The following MAN1A1 variants were observed in gnomAD, a reference collection of about 807,000 sequenced individuals.
MAN1A1 encodes the protein mannosyl-oligosaccharide 1,2-alpha-mannosidase IA.
MAN1A1 carries 29 observed loss-of-function variants against 70.8 expected under a neutral mutation model. The ratio of observed to expected loss-of-function variants is 0.41; its 90% CI spans 0.31 to 0.56. MAN1A1 has a LOEUF of 0.56. Among genes scored for constraint, MAN1A1 ranks in the 20% least tolerant of loss-of-function variants. The pLI, the probability that MAN1A1 is intolerant of heterozygous loss-of-function variation, is 0.29. For missense variants in MAN1A1, 747 were observed against 841.3 expected (o/e 0.89, Z 1.39); for synonymous variants, 349 against 330.1 (o/e 1.06, Z -0.62).
At chr6:119,277,936 C>CAAAAAAAAAAAAAAAAAAAAAAGAAA (rs1776118457) in intron 5 of MAN1A1, among the ~76,000 whole-genome samples, 1 of 23,178 alleles carries the variant, frequency 4.3e-5, no homozygotes, top group Non-Finnish European at 7.4e-5. Context: ...GACTCCATCT[C>CAAAAAAAAAAAAAAAAAAAAAAGAAA]AAAAAAAAAA....
chr6:119,290,858 T>G (rs1776519714), intron 4 of MAN1A1, 95 bp from the exon 5 acceptor site: 1 of 777,270 alleles, frequency 1.3e-6, no homozygotes, highest in African/African-American at 1.8e-5. Flanking sequence ...TTTGTTCAAA[T>G]CTTATGCTTG....
intron 2 of MAN1A1, among the ~76,000 whole-genome samples, chr6:119,338,612 T>C (rs192801556): frequency 3.3e-5 from 5 of 152,362 alleles, no homozygotes; most frequent in Admixed American, 6.5e-5. Context: ...CTACTTTTGA[T>C]CTTCAACTAT....
chr6:119,257,224 T>G (rs1482327189), intron 5 of MAN1A1, among the ~76,000 whole-genome samples: 4 of 152,140 alleles, frequency 2.6e-5, no homozygotes, highest in Non-Finnish European at 5.9e-5. Context: ...AGCGAGCAGG[T>G]GGAGAGCTAG....
At chr6:119,223,714 TA>T (rs1473566310) in intron 6 of MAN1A1, among the ~76,000 whole-genome samples, 1 of 152,148 alleles carries the variant, frequency 6.6e-6, no homozygotes, top group Non-Finnish European at 1.5e-5. Context: ...ATGCAGCTAC[TA>T]AAGGTCAGAG....
At chr6:119,207,981 A>G (rs1301481181) in intron 6 of MAN1A1, among the ~76,000 whole-genome samples, 1 of 152,214 alleles carries the variant, frequency 6.6e-6, no homozygotes, top group Non-Finnish European at 1.5e-5. Flanking sequence ...GGTCTATTTT[A>G]TAAAAACTAA....
intron 5 of MAN1A1, among the ~76,000 whole-genome samples, chr6:119,283,896 T>C (rs1474782803): frequency 6.6e-6 from 1 of 152,098 alleles, no homozygotes; most frequent in Non-Finnish European, 1.5e-5. Flanking sequence ...CTTTCCTTAG[T>C]GCCACAGTGG....
rs1776538755 is a variant in MAN1A1, at chr6:119,291,317, C to A, written c.817-554G>T. ...GTGAGGCCTCCCCAGCCATGTGAAA[C>A]TGTTAAATCCATTAAACCTCTTTTT... is the stretch of plus-strand genomic sequence containing the variant. On this transcript the variant is annotated intron_variant, in intron 4 of 12. Coordinates refer to ENST00000368468, the MANE Select transcript of MAN1A1 (RefSeq NM_005907.4). 1.3e-5 allele frequency among the ~76,000 whole-genome samples: 2 copies of A among 152,016 alleles called. 1 individual carries two copies. The highest frequency in any genetic ancestry group is 2.9e-5 in the Non-Finnish European group (2 of 67,992).
intron 6 of MAN1A1, among the ~76,000 whole-genome samples, chr6:119,221,118 G>GA (rs2114257553): frequency 6.6e-6 from 1 of 150,828 alleles, no homozygotes; most frequent in South Asian, 2.1e-4. Flanking sequence ...AGCATTATCT[G>GA]AAAAAATTTC....
intron 6 of MAN1A1, among the ~76,000 whole-genome samples, chr6:119,227,039 A>C (rs1774535166): frequency 6.6e-6 from 1 of 152,192 alleles, no homozygotes; most frequent in East Asian, 1.9e-4. Flanking sequence ...AAACATCCAT[A>C]AACAGGAGAA....
At chr6:119,219,007 C>T (rs1370864402) in intron 6 of MAN1A1, among the ~76,000 whole-genome samples, 2 of 152,074 alleles carry the variant, frequency 1.3e-5, no homozygotes, top group Non-Finnish European at 2.9e-5. Context: ...AGAAACTTAA[C>T]CCTTGTTTAT....
Position 119,211,838 on chromosome 6 carries a change from G to A in MAN1A1, c.993-6956C>T, listed in dbSNP as rs1774059489. 2.0e-5 allele frequency among the ~76,000 whole-genome samples: 3 copies of A among 147,680 alleles called. No homozygotes were observed. The Admixed American group carries it at 2.1e-4, about 10-fold the overall frequency. On this transcript the variant is annotated intron_variant, in intron 6 of 12. Transcript: ENST00000368468. ...TCTTTTTTTTTTAAATGAAATAATAGTAGGAATTTTTTTTTTTTTTTGAGA... is the reference window on the plus strand; with the variant it reads ...TCTTTTTTTTTTAAATGAAATAATAATAGGAATTTTTTTTTTTTTTTGAGA...
chr6:119,312,746 A>G (rs964063146), intron 2 of MAN1A1, among the ~76,000 whole-genome samples: 2 of 152,182 alleles, frequency 1.3e-5, no homozygotes, highest in African/African-American at 4.8e-5. Context: ...TCTTTCAAAA[A>G]GAATAACCCA....
intron 6 of MAN1A1, among the ~76,000 whole-genome samples, chr6:119,209,838 C>T (rs1306933110): frequency 6.6e-6 from 1 of 152,108 alleles, no homozygotes; most frequent in African/African-American, 2.4e-5. Context: ...CAGAAACTGA[C>T]TGTGGAGGAC....
At chr6:119,253,957 C>T (rs902309490) in intron 5 of MAN1A1, among the ~76,000 whole-genome samples, 12 of 152,110 alleles carry the variant, frequency 7.9e-5, no homozygotes, top group Admixed American at 7.2e-4. Context: ...AAATCATACA[C>T]GAGACTGAAT....
intron 2 of MAN1A1, among the ~76,000 whole-genome samples, chr6:119,339,943 T>C: frequency 6.6e-6 from 1 of 152,070 alleles, no homozygotes; most frequent in East Asian, 1.9e-4. Context: ...ATACAAAAAT[T>C]AGCCAAGCAT....
intron 11 of MAN1A1, 134 bp from the exon 12 acceptor site, chr6:119,180,561 G>A (rs553883238): frequency 1.0e-4 from 59 of 564,220 alleles, no homozygotes; most frequent in South Asian, 8.1e-4. Flanking sequence ...TTGCCTGGGC[G>A]GAGTACAGTG....
At chr6:119,295,959 T>G (rs186297313) in intron 4 of MAN1A1, among the ~76,000 whole-genome samples, 1 of 152,158 alleles carries the variant, frequency 6.6e-6, no homozygotes, top group African/African-American at 2.4e-5. Context: ...AGAAGCAACA[T>G]GAGACTTTTC....
At chr6:119,316,941 T>A (rs1033367271) in intron 2 of MAN1A1, among the ~76,000 whole-genome samples, 13 of 148,624 alleles carry the variant, frequency 8.7e-5, no homozygotes, top group African/African-American at 3.2e-4. Flanking sequence ...ATTTTTTTAT[T>A]ATTATTATTC....
At chr6:119,180,134 G>T (rs964539917) in intron 12 of MAN1A1, among the ~76,000 whole-genome samples, 178 bp downstream of exon 12, 1 of 152,150 alleles carries the variant, frequency 6.6e-6, no homozygotes, top group Non-Finnish European at 1.5e-5. Flanking sequence ...CAGTGCTTTG[G>T]TGTTAGCAGT....
Sources: allele counts gnomAD v4.1 joint callset (sites outside exome capture counted in the v4.1 genomes callset), GRCh38; gene constraint gnomAD v4.1.1; transcripts MANE v1.5; gene names NCBI Gene and HGNC (gene_info 2026-07-23, HGNC 2026-07-21).